Variants in ARHGEF12 observed in about 807,000 individuals in gnomAD.
The protein encoded by ARHGEF12 is KMT2A/ARHGEF12 fusion protein.
Under a neutral mutation model 211.2 loss-of-function variants are expected in ARHGEF12, and 66 were observed. The ratio of observed to expected loss-of-function variants is 0.31; its 90% CI spans 0.26 to 0.38. The LOEUF (loss-of-function observed/expected upper bound fraction) is 0.38, where lower values mean the gene tolerates loss of function less well. Among genes scored for constraint, ARHGEF12 ranks in the 10% least tolerant of loss-of-function variants. The pLI is 1.00. For missense variants in ARHGEF12, 1,429 were observed against 1,869.5 expected, an observed-to-expected ratio of 0.76 and a Z score of 4.34; for synonymous variants, 592 against 638.4, an observed-to-expected ratio of 0.93 and a Z score of 1.09.
rs1947197890 is a variant in ARHGEF12, at chr11:120,480,368, A to G, written c.4175A>G (p.Asn1392Ser). Residue 1392 changes from asparagine (N) to serine (S), a missense_variant, in exon 38 of 41, where the codon AAT becomes AGT. Coordinates refer to ENST00000397843, the MANE Select transcript of ARHGEF12 (RefSeq NM_015313.3). ...FDAREAHSDE[N>S]PSEGDGAVNK... The stretch of plus-strand genomic sequence containing the variant: ...GCCCGTGAAGCACATAGTGATGAGA[A>G]TCCATCAGAAGGTGATGGAGCAGTT... 2 of 1,614,090 alleles carry G rather than the reference A, an allele frequency of 1.2e-6. No homozygotes were observed. Among genetic ancestry groups the G allele is most frequent in the Middle Eastern group, 1.6e-4 (1 of 6,080 alleles).
chr11:120,453,851 A>C (rs546435397), intron 22 of ARHGEF12, among the ~76,000 whole-genome samples: 2 of 152,354 alleles, frequency 1.3e-5, no homozygotes, highest in East Asian at 3.9e-4. Flanking sequence ...CAGAGTTAGC[A>C]TATGTTATGC....
At chr11:120,457,058 TGGTGACCAG>T in intron 22 of ARHGEF12, 51 bp from the exon 23 acceptor site, 8 of 1,546,914 alleles carry the variant, frequency 5.2e-6, no homozygotes, top group African/African-American at 1.4e-5. Context: ...TAATTTTTTT[TGGTGACCAG>T]TGACTTTATT....
chr11:120,343,394 T>C (rs1013791960), intron 1 of ARHGEF12, among the ~76,000 whole-genome samples: 1 of 152,238 alleles, frequency 6.6e-6, no homozygotes, highest in Admixed American at 6.5e-5. Flanking sequence ...ATCAAGATAG[T>C]CATATAGGGA....
In ARHGEF12 at chr11:120,424,756, A is replaced by T. The variant is rs76362207; in HGVS notation, c.406+341A>T. Among the ~76,000 whole-genome samples the T allele has an allele frequency of 2.0e-3, 311 of 152,330 alleles. 1 individual carries two copies. The highest frequency in any genetic ancestry group is 2.7e-3 in the Non-Finnish European group (183 of 68,028). ...AACTCCATTTATATGGTTGATTATA[A>T]TATTCCTGTCATTCTTGGTAATATT... On this transcript the variant is annotated intron_variant, in intron 7 of 40. Coordinates refer to ENST00000397843, the MANE Select transcript of ARHGEF12 (RefSeq NM_015313.3).
At chr11:120,364,746 T>C (rs1943376047) in intron 1 of ARHGEF12, among the ~76,000 whole-genome samples, 1 of 152,066 alleles carries the variant, frequency 6.6e-6, no homozygotes, top group Non-Finnish European at 1.5e-5. Context: ...AAACTTCAAA[T>C]ATAATGCCAG....
chr11:120,385,520 G>A (rs1336463663), intron 1 of ARHGEF12: 23 of 983,484 alleles, frequency 2.3e-5, no homozygotes, highest in South Asian at 4.7e-5. Flanking sequence ...TCTGGGTCGT[G>A]TATAAAATGG....
intron 39 of ARHGEF12, among the ~76,000 whole-genome samples, chr11:120,482,527 C>T (rs1947277496): frequency 6.6e-6 from 1 of 151,982 alleles, no homozygotes; most frequent in African/African-American, 2.4e-5. Context: ...AGGCGGATCA[C>T]GAGGTCAGGA....
chr11:120,384,953 C>T (rs893732918), intron 1 of ARHGEF12, among the ~76,000 whole-genome samples: 1 of 151,522 alleles, frequency 6.6e-6, no homozygotes, highest in Non-Finnish European at 1.5e-5. Context: ...TAACAACAAC[C>T]GAATTTTAAG....
chr11:120,451,618 G>C lies in ARHGEF12; in HGVS notation c.1950G>C (p.Gly650=). ...PQDSAKLRQS[G]LANEGTDAGY... ...ACTCTGCCAAGTTGCGCCAGAGTGG[G>C]TTAGCAAATGAAGGAACAGACGCTG... The change falls in exon 22 of 41, where the codon GGG becomes GGC. Residue 650 remains glycine, a synonymous_variant. Coordinates refer to ENST00000397843, the MANE Select transcript of ARHGEF12 (RefSeq NM_015313.3). 6.2e-7 allele frequency: 1 copy of C among 1,614,142 alleles called. No homozygotes were observed. The highest frequency in any genetic ancestry group is 8.5e-7 in the Non-Finnish European group (1 of 1,180,016).
intron 39 of ARHGEF12, 73 bp downstream of exon 39, chr11:120,481,649 A>G: frequency 7.0e-7 from 1 of 1,431,298 alleles, no homozygotes. Flanking sequence ...TAGGGTGATG[A>G]AAATGCTGAT....
intron 1 of ARHGEF12, among the ~76,000 whole-genome samples, chr11:120,377,540 T>G (rs9633950): frequency 0.45 from 68,303 of 151,860 alleles, 15,980 homozygotes; most frequent in African/African-American, 0.58. Context: ...ATGGGGTCTT[T>G]CTGTGTTGCC....
intron 22 of ARHGEF12, among the ~76,000 whole-genome samples, chr11:120,455,769 G>A (rs1268185350): frequency 6.6e-6 from 1 of 152,198 alleles, no homozygotes; most frequent in Non-Finnish European, 1.5e-5. Flanking sequence ...GGGATTTTAG[G>A]CAGTGGATAG....
chr11:120,455,031 GA>G (rs201906453), intron 22 of ARHGEF12, among the ~76,000 whole-genome samples: 6 of 150,978 alleles, frequency 4.0e-5, no homozygotes, highest in South Asian at 4.2e-4. Flanking sequence ...GAGTTTAAAG[GA>G]AAAAAAAGAA....
At chr11:120,433,308 A>G (rs1419655039) in intron 11 of ARHGEF12, among the ~76,000 whole-genome samples, 3 of 152,216 alleles carry the variant, frequency 2.0e-5, no homozygotes, top group Admixed American at 2.0e-4. Context: ...GCAACCTGGC[A>G]TATTAGGGTT....
intron 1 of ARHGEF12, among the ~76,000 whole-genome samples, chr11:120,381,820 C>T (rs1189428849): frequency 1.3e-5 from 2 of 152,192 alleles, no homozygotes; most frequent in South Asian, 4.1e-4. Flanking sequence ...ACTCTCCTCT[C>T]CTCTAGTCCC....
At chr11:120,407,986 G>A in intron 3 of ARHGEF12, 163 bp downstream of exon 3, 1 of 544,282 alleles carries the variant, frequency 1.8e-6, no homozygotes. Flanking sequence ...TAGTAGGAAT[G>A]CAAGCATTTT....
At chr11:120,418,234 C>T (rs773512811) in intron 4 of ARHGEF12, among the ~76,000 whole-genome samples, 7 of 152,156 alleles carry the variant, frequency 4.6e-5, no homozygotes, top group African/African-American at 7.2e-5. Flanking sequence ...ACTCCTCTTC[C>T]GTGCTTCTCC....
At chr11:120,477,115 T>C in intron 34 of ARHGEF12, 104 bp from the exon 35 acceptor site, 1 of 727,932 alleles carries the variant, frequency 1.4e-6, no homozygotes, top group South Asian at 1.7e-5. Flanking sequence ...GTTGTTGTTG[T>C]TGTTGGTTGA....
chr11:120,426,899 C>T (rs559370132), intron 7 of ARHGEF12, among the ~76,000 whole-genome samples: 7 of 151,690 alleles, frequency 4.6e-5, no homozygotes, highest in African/African-American at 9.7e-5. Context: ...TTTTTTGAGA[C>T]GAATTCTTGT....
Sources: gnomAD v4.1 joint callset for allele counts (sites outside exome capture counted in the v4.1 genomes callset) on GRCh38, gnomAD v4.1.1 for gene constraint, MANE v1.5 for transcripts, NCBI Gene and HGNC (gene_info 2026-07-23, HGNC 2026-07-21) for gene names.